The following CA10 variants were observed in gnomAD, a reference collection of about 807,000 sequenced individuals.
The protein encoded by CA10 is carbonic anhydrase-related protein 10.
A neutral mutation model predicts 44.2 loss-of-function variants in CA10; 14 were observed. That is an observed-to-expected ratio of 0.32 (90% CI 0.21 to 0.50). CA10 has a LOEUF of 0.50. CA10 is among the 20% of genes least tolerant of loss of function. The probability of loss-of-function intolerance (pLI) is 0.99; values close to 1 mark genes in which losing one functional copy is unlikely to be tolerated. For missense variants in CA10, 350 were observed against 409.7 expected (o/e 0.85, Z 1.26); for synonymous variants, 159 against 141.6 (o/e 1.12, Z -0.87).
intron 1 of CA10, among the ~76,000 whole-genome samples, chr17:52,113,308 A>G (rs898960630): frequency 2.0e-5 from 3 of 152,224 alleles, no homozygotes; most frequent in Admixed American, 1.3e-4. Flanking sequence ...CAGATGAATA[A>G]ATAGATTACA....
Position 51,633,536 on chromosome 17 carries a change from T to A in CA10, c.904A>T (p.Asn302Tyr). ...LNNRCIRTNI[N>Y]FSLQGKDCPN... is the part of the protein sequence containing the mutation. ...CAGTCCTTCCCCTGTAAACTGAAGT[T>A]GATATTGGTGCGGATGCAGCGGTTG... Residue 302 changes from asparagine to tyrosine, a missense_variant, in exon 8 of 9, where the codon AAC (asparagine) becomes TAC (tyrosine). Physicochemically the swap from Asn to Tyr is moderately radical, Grantham distance 143 (BLOSUM62 -2). Transcript: ENST00000451037. 3 of 1,613,948 alleles carry A rather than the reference T, an allele frequency of 1.9e-6. No homozygotes were observed. Among genetic ancestry groups the A allele is most frequent in the Non-Finnish European group, 2.5e-6 (3 of 1,179,922 alleles).
At chr17:52,100,097 A>C (rs191992484) in intron 1 of CA10, among the ~76,000 whole-genome samples, 6 of 152,334 alleles carry the variant, frequency 3.9e-5, no homozygotes, top group Admixed American at 3.3e-4. Flanking sequence ...GGAAGGAAAT[A>C]AGAGATCAAT....
intron 3 of CA10, chr17:51,763,242 T>C (rs1394280474): frequency 6.6e-6 from 1 of 152,246 alleles, no homozygotes; most frequent in Non-Finnish European, 1.5e-5. Flanking sequence ...AGTTTGCGTC[T>C]TTAATATAGT....
chr17:51,917,107 T>A (rs988580972), intron 3 of CA10, among the ~76,000 whole-genome samples: 3 of 152,134 alleles, frequency 2.0e-5, no homozygotes, highest in African/African-American at 7.2e-5. Context: ...TGCTGATAAA[T>A]CTCTATCATC....
intron 2 of CA10, among the ~76,000 whole-genome samples, chr17:52,029,286 A>C (rs527443792): frequency 6.6e-6 from 1 of 152,206 alleles, no homozygotes; most frequent in Non-Finnish European, 1.5e-5. Flanking sequence ...GAGATGAAAA[A>C]TTATCATCTC....
intron 4 of CA10, among the ~76,000 whole-genome samples, chr17:51,685,196 G>T (rs1023302129): frequency 1.2e-4 from 18 of 152,222 alleles, no homozygotes; most frequent in Non-Finnish European, 2.4e-4. Flanking sequence ...CCAGAGGCAT[G>T]CTGCTGTGAA....
intron 2 of CA10, among the ~76,000 whole-genome samples, chr17:51,945,015 T>C: frequency 6.6e-6 from 1 of 152,126 alleles, no homozygotes; most frequent in African/African-American, 2.4e-5. Flanking sequence ...TGGTACACCC[T>C]CCCCTTGTAG....
At chr17:52,022,859 T>C (rs144608143) in intron 2 of CA10, among the ~76,000 whole-genome samples, 168 of 152,050 alleles carry the variant, frequency 1.1e-3, no homozygotes, top group African/African-American at 3.9e-3. Flanking sequence ...CTATTTACAA[T>C]AGCAACAACA....
chr17:52,109,113 A>G (rs1988736214), intron 1 of CA10, among the ~76,000 whole-genome samples: 2 of 152,320 alleles, frequency 1.3e-5, no homozygotes, highest in Non-Finnish European at 2.9e-5. Context: ...TTATTACAAC[A>G]GCAACAAAAC....
At chr17:52,010,889 TA>T (rs1438712160) in intron 2 of CA10, among the ~76,000 whole-genome samples, 1 of 150,318 alleles carries the variant, frequency 6.7e-6, no homozygotes, top group African/African-American at 2.4e-5. Context: ...CATTAAGGTT[TA>T]AATTCAATGA....
chr17:52,045,097 T>C (rs1487507054), intron 2 of CA10, among the ~76,000 whole-genome samples: 2 of 151,708 alleles, frequency 1.3e-5, no homozygotes, highest in Non-Finnish European at 1.5e-5. Context: ...CATACAGAGA[T>C]ACAAAGGTAA....
chr17:51,819,889 T>C (rs1907697166), intron 3 of CA10, among the ~76,000 whole-genome samples: 1 of 152,204 alleles, frequency 6.6e-6, no homozygotes, highest in South Asian at 2.1e-4. Flanking sequence ...TCTCTCCCTC[T>C]GTTTCTCGAT....
chr17:51,764,045 C>CAAATA lies in CA10; in HGVS notation c.280-16232_280-16228dup, dbSNP rs146280810. Among the ~76,000 whole-genome samples, 928 of 149,794 alleles carry CAAATA rather than the reference C, an allele frequency of 6.2e-3. 8 individuals carry two copies. Among genetic ancestry groups the CAAATA allele is most frequent in the African/African-American group, 0.02 (834 of 40,740 alleles). On this transcript the variant is annotated intron_variant, in intron 3 of 8. Transcript: ENST00000451037. ...TGAAAGTAAAAAAAAAAAAACTCTA[C>CAAATA]AAATAAAATAAAATAAAATAAAATA... is the stretch of plus-strand genomic sequence containing the variant.
intron 3 of CA10, among the ~76,000 whole-genome samples, chr17:51,867,930 T>G (rs903708262): frequency 6.6e-6 from 1 of 152,214 alleles, no homozygotes; most frequent in African/African-American, 2.4e-5. Context: ...AAATGAATTC[T>G]GCATAAAATG....
chr17:51,909,008 T>G (rs202128), intron 3 of CA10, among the ~76,000 whole-genome samples: 104,699 of 152,006 alleles, frequency 0.69, 36,371 homozygotes, highest in Middle Eastern at 0.71. Flanking sequence ...CATCTGGTTT[T>G]CTGCAAAAGC....
chr17:51,942,235 T>C (rs1041075650), intron 2 of CA10, among the ~76,000 whole-genome samples: 2 of 152,112 alleles, frequency 1.3e-5, no homozygotes, highest in African/African-American at 4.8e-5. Context: ...CAGGGCTTAG[T>C]TATCTTCATG....
intron 4 of CA10, among the ~76,000 whole-genome samples, chr17:51,716,471 A>G (rs1368443716): frequency 6.6e-6 from 1 of 151,972 alleles, no homozygotes; most frequent in African/African-American, 2.4e-5. Context: ...TTATTCAGAG[A>G]AAAAAAGAAG....
At chr17:51,943,007 C>T (rs1415548383) in intron 2 of CA10, among the ~76,000 whole-genome samples, 1 of 152,106 alleles carries the variant, frequency 6.6e-6, no homozygotes, top group Non-Finnish European at 1.5e-5. Flanking sequence ...CTCTCCCGTC[C>T]TTGTCATACT....
intron 4 of CA10, among the ~76,000 whole-genome samples, chr17:51,712,016 T>C (rs1915958061): frequency 6.6e-6 from 1 of 152,158 alleles, no homozygotes; most frequent in East Asian, 1.9e-4. Context: ...TTCTGCCTCA[T>C]AGAGATTGTT....
Sources: gnomAD v4.1 joint callset for allele counts (sites outside exome capture counted in the v4.1 genomes callset) on GRCh38, gnomAD v4.1.1 for gene constraint, MANE v1.5 for transcripts, NCBI Gene and HGNC (gene_info 2026-07-23, HGNC 2026-07-21) for gene names.